KCTD14: variants seen among roughly 807,000 people sequenced by gnomAD.
The protein encoded by KCTD14 is potassium channel tetramerization domain containing 14.
Under a neutral mutation model 5.9 loss-of-function variants are expected in KCTD14, and 7 were observed. That is an observed-to-expected ratio of 1.19 (90% CI 0.68 to 2.23). KCTD14 has a LOEUF of 2.23. Among genes scored for constraint, KCTD14 ranks in the 30% most tolerant of loss-of-function variants. The pLI is 0.00. For synonymous variants in KCTD14, 140 were observed against 133.1 expected (o/e 1.05, Z -0.36); for missense variants, 342 against 332.2 (o/e 1.03, Z -0.23).
chr11:78,025,501 G>A (rs1466568925), upstream of KCTD14, among the ~76,000 whole-genome samples: 1 of 152,080 alleles, frequency 6.6e-6, no homozygotes, highest in Non-Finnish European at 1.5e-5. Context: ...TCAATACTTT[G>A]TGTCCTTCAA....
chr11:78,044,624 G>A (rs1858083558), intron 1 of KCTD14, among the ~76,000 whole-genome samples: 1 of 152,182 alleles, frequency 6.6e-6, no homozygotes, highest in South Asian at 2.1e-4. Flanking sequence ...TAGCAGTAGT[G>A]AATCTGTACG....
At chr11:78,026,552 T>C (rs965638554), upstream of KCTD14, among the ~76,000 whole-genome samples, 1 of 152,172 alleles carries the variant, frequency 6.6e-6, no homozygotes, top group Non-Finnish European at 1.5e-5. Context: ...GAGGATCACT[T>C]GACCCCAGGA....
upstream of KCTD14, among the ~76,000 whole-genome samples, chr11:78,027,495 T>C: frequency 6.6e-6 from 1 of 151,896 alleles, no homozygotes. Context: ...CCCGAGTAGC[T>C]GGGATTGCAG....
rs760933016 is a variant in KCTD14 at position 78,016,912 on chromosome 11, T to C, written c.449A>G (p.Glu150Gly). Residue 150 changes from glutamate to glycine, a missense_variant, in exon 2 of 2, where the codon GAG becomes GGG. Glu to Gly is a moderately conservative substitution (Grantham distance 98). Transcript: ENST00000353172. Reference protein sequence around the residue: ...LQVPGYSENLELMVRLARAEA... With the variant: ...LQVPGYSENLGLMVRLARAEA... ...TGCACGTGCCAGGCGCACCATGAGC[T>C]CCAGGTTCTCGCTGTAGCCCGGCAC... The C allele has an allele frequency of 3.1e-6, 5 of 1,614,162 alleles. No individual in the cohort carries two copies. The South Asian group carries it at 5.5e-5, about 18-fold the overall frequency.
At chr11:78,042,061 C>T (rs1489803363) in intron 1 of KCTD14, among the ~76,000 whole-genome samples, 2 of 152,156 alleles carry the variant, frequency 1.3e-5, no homozygotes, top group Non-Finnish European at 2.9e-5. Flanking sequence ...TGAGCAAGGA[C>T]CCCTGGTAAA....
At chr11:78,030,625 C>A (rs1011955286) in intron 2 of KCTD14, among the ~76,000 whole-genome samples, 1 of 152,222 alleles carries the variant, frequency 6.6e-6, no homozygotes, top group African/African-American at 2.4e-5. Flanking sequence ...TCCCCTCACT[C>A]ACTCCCCTCT....
At chr11:78,030,033 C>T (rs1457271491) in intron 2 of KCTD14, among the ~76,000 whole-genome samples, 4 of 152,154 alleles carry the variant, frequency 2.6e-5, no homozygotes, top group Non-Finnish European at 5.9e-5. Context: ...ATCCACCTGC[C>T]TCAGCCTCCC....
At chr11:78,036,008 A>C (rs10899432) in intron 2 of KCTD14, among the ~76,000 whole-genome samples, 59,663 of 151,494 alleles carry the variant, frequency 0.39, 12,150 homozygotes, top group Non-Finnish European at 0.44. Context: ...AAAATACAAA[A>C]ATTAGCTGGG....
chr11:78,018,617 G>A (rs1465852413), intron 1 of KCTD14, among the ~76,000 whole-genome samples: 1 of 151,918 alleles, frequency 6.6e-6, no homozygotes, highest in Non-Finnish European at 1.5e-5. Flanking sequence ...TGAGGCAGGA[G>A]AATCGCTTGA....
intron 2 of KCTD14, among the ~76,000 whole-genome samples, chr11:78,037,676 G>A (rs1857850361): frequency 6.6e-6 from 1 of 152,160 alleles, no homozygotes; most frequent in Non-Finnish European, 1.5e-5. Context: ...AAAATTAGCC[G>A]GGTGTGGTGG....
At chr11:78,024,411 TACACAC>T (rs58091495), upstream of KCTD14, among the ~76,000 whole-genome samples, 528 of 116,684 alleles carry the variant, frequency 4.5e-3, 3 homozygotes, top group African/African-American at 0.015. Context: ...TATATATATA[TACACAC>T]ACACACACAC....
rs1591171973 is a variant in KCTD14, at chr11:78,016,477, C to T, written c.*116G>A. On this transcript the variant is annotated 3_prime_UTR_variant, in exon 2 of 2. Transcript: ENST00000353172. The stretch of plus-strand genomic sequence containing the variant: ...GTGATCAATATTTAGTGGCAAGACT[C>T]TAGACCAACCCTGGAAATTGCCTGA... The T allele has an allele frequency of 1.1e-6, 1 of 899,126 alleles. No individual in the cohort carries two copies. Among genetic ancestry groups the T allele is most frequent in the Non-Finnish European group, 1.7e-6 (1 of 596,034 alleles). The allele number at this position is 899,126 out of a possible 1,614,324, so 55.7% of individuals were successfully genotyped here. A position where few individuals can be genotyped will look rare whatever the true frequency, so the allele number is the denominator to read the frequency against.
intron 1 of KCTD14, among the ~76,000 whole-genome samples, chr11:78,042,893 A>G (rs1216522512): frequency 1.3e-5 from 2 of 152,232 alleles, no homozygotes; most frequent in Non-Finnish European, 2.9e-5. Flanking sequence ...TGTGCCATTT[A>G]TATAGCTTGC....
chr11:78,039,139 A>G (rs1857915104), intron 1 of KCTD14, among the ~76,000 whole-genome samples: 1 of 151,948 alleles, frequency 6.6e-6, no homozygotes. Context: ...GAATTTCAAG[A>G]GGACCTTGAA....
intron 2 of KCTD14, among the ~76,000 whole-genome samples, chr11:78,030,827 C>T (rs375830477): frequency 1.3e-5 from 2 of 152,030 alleles, no homozygotes; most frequent in East Asian, 1.9e-4. Context: ...CCTGTCCACC[C>T]GCTCCCATAC....
intron 1 of KCTD14, among the ~76,000 whole-genome samples, chr11:78,043,398 G>A (rs1858047441): frequency 6.6e-6 from 1 of 152,206 alleles, no homozygotes; most frequent in Non-Finnish European, 1.5e-5. Flanking sequence ...ACCAAAAGTA[G>A]GTTAGTAGTG....
chr11:78,042,992 C>T (rs1027920114), intron 1 of KCTD14, among the ~76,000 whole-genome samples: 2 of 152,246 alleles, frequency 1.3e-5, no homozygotes, highest in African/African-American at 4.8e-5. Context: ...CTTTACTGCA[C>T]ACATGGTTGA....
chr11:78,039,665 A>G (rs1479229364), intron 1 of KCTD14, among the ~76,000 whole-genome samples: 1 of 151,336 alleles, frequency 6.6e-6, no homozygotes, highest in East Asian at 1.9e-4. Flanking sequence ...TAATCAGGAG[A>G]CTGAGGTGGG....
chr11:78,029,350 T>C (rs1857554895), intron 2 of KCTD14, among the ~76,000 whole-genome samples: 1 of 152,114 alleles, frequency 6.6e-6, no homozygotes, highest in Non-Finnish European at 1.5e-5. Context: ...TTGGTCTTAT[T>C]TCACCAAAGG....
Sources: allele counts gnomAD v4.1 joint callset (sites outside exome capture counted in the v4.1 genomes callset), GRCh38; gene constraint gnomAD v4.1.1; transcripts MANE v1.5; gene names NCBI Gene and HGNC (gene_info 2026-07-23, HGNC 2026-07-21).